Variants in ITGBL1 observed in about 807,000 individuals in gnomAD.
ITGBL1 encodes the protein integrin beta-like protein 1.
Under a neutral mutation model 68.5 loss-of-function variants are expected in ITGBL1, and 51 were observed. The observed-to-expected ratio is 0.74, with a 90% CI of 0.59 to 0.94. The LOEUF is 0.94. Among genes scored for constraint, ITGBL1 ranks in the 40% least tolerant of loss-of-function variants. ITGBL1 has a pLI of 0.00. For synonymous variants in ITGBL1, 209 were observed against 227.3 expected (o/e 0.92, Z 0.72); for missense variants, 649 against 647.4 (o/e 1.00, Z -0.03).
At chr13:101,699,643 C>A (rs1387252650) in intron 8 of ITGBL1, among the ~76,000 whole-genome samples, 2 of 152,284 alleles carry the variant, frequency 1.3e-5, no homozygotes, top group African/African-American at 4.8e-5. Flanking sequence ...GAGGCCTCCC[C>A]AGTCATGCAG....
chr13:101,503,695 G>A (rs998988491), intron 2 of ITGBL1, among the ~76,000 whole-genome samples: 3 of 152,202 alleles, frequency 2.0e-5, no homozygotes, highest in African/African-American at 7.2e-5. Flanking sequence ...TTGTGTGGAG[G>A]GGTTAGTCCC....
At chr13:101,548,663 T>C (rs1218645336) in intron 2 of ITGBL1, among the ~76,000 whole-genome samples, 2 of 151,800 alleles carry the variant, frequency 1.3e-5, no homozygotes, top group Non-Finnish European at 3.0e-5. Flanking sequence ...AAAATTGTCT[T>C]CACTATTTAA....
At chr13:101,649,433 CA>C (rs1208560574) in intron 7 of ITGBL1, among the ~76,000 whole-genome samples, 4 of 151,992 alleles carry the variant, frequency 2.6e-5, no homozygotes, top group Admixed American at 2.0e-4. Context: ...ACTATAAGGT[CA>C]ATGTAAGAAG....
At chr13:101,598,001 G>T in intron 6 of ITGBL1, 152 bp from the exon 7 acceptor site, 1 of 616,710 alleles carries the variant, frequency 1.6e-6, no homozygotes, top group Non-Finnish European at 2.6e-6. Context: ...AGTTATTTAA[G>T]AATTTGAGAA....
At chr13:101,554,042 G>C (rs975607361) in intron 2 of ITGBL1, among the ~76,000 whole-genome samples, 6 of 152,036 alleles carry the variant, frequency 3.9e-5, no homozygotes, top group Admixed American at 2.6e-4. Context: ...CCAAAGTTCT[G>C]GGATTACAGG....
At chr13:101,627,168 C>T (rs1458937098) in intron 7 of ITGBL1, among the ~76,000 whole-genome samples, 1 of 152,104 alleles carries the variant, frequency 6.6e-6, no homozygotes, top group African/African-American at 2.4e-5. Context: ...AAAGTGTAGT[C>T]TGAGTTATAA....
chr13:101,719,514 A>T (rs2034847847), downstream of ITGBL1: 1 of 152,126 alleles, frequency 6.6e-6, no homozygotes, highest in Non-Finnish European at 1.5e-5. Flanking sequence ...GAGAATTGTC[A>T]TGTCTTCTCT....
chr13:101,671,437 G>GTTTGTTT (rs2033363884), intron 7 of ITGBL1, among the ~76,000 whole-genome samples: 1 of 102,800 alleles, frequency 9.7e-6, no homozygotes. Flanking sequence ...TTTTTTTTTT[G>GTTTGTTT]TTTTTTTTTG....
chr13:101,524,450 G>A (rs7320478), intron 2 of ITGBL1, among the ~76,000 whole-genome samples: 111,831 of 151,002 alleles, frequency 0.74, 41,299 homozygotes, highest in South Asian at 0.79. Context: ...AGGGCTTTAT[G>A]TCTAGAGTAG....
intron 2 of ITGBL1, among the ~76,000 whole-genome samples, chr13:101,553,120 C>A (rs2049947793): frequency 6.6e-6 from 1 of 152,130 alleles, no homozygotes; most frequent in Non-Finnish European, 1.5e-5. Context: ...AAAGAGAAGT[C>A]ATGGAGAGAC....
chr13:101,591,852 G>A (rs2050661024), intron 6 of ITGBL1, among the ~76,000 whole-genome samples: 1 of 152,202 alleles, frequency 6.6e-6, no homozygotes, highest in South Asian at 2.1e-4. Flanking sequence ...GTGATGAGTA[G>A]CTTCATGTTT....
intron 2 of ITGBL1, among the ~76,000 whole-genome samples, chr13:101,475,564 G>A (rs7998526): frequency 0.89 from 135,017 of 152,116 alleles, 60,166 homozygotes; most frequent in East Asian, 1. Context: ...TCAATACTCA[G>A]GTACAAGAAG....
intron 8 of ITGBL1, among the ~76,000 whole-genome samples, chr13:101,695,183 T>C (rs1401998192): frequency 1.3e-5 from 2 of 152,222 alleles, no homozygotes; most frequent in Non-Finnish European, 2.9e-5. Flanking sequence ...ATAACAACTA[T>C]GTAATGCAGA....
rs548630921 is a variant in ITGBL1 at position 101,525,603 on chromosome 13, T to G, written c.317-42096T>G. 2.0e-5 allele frequency among the ~76,000 whole-genome samples: 3 copies of G among 152,156 alleles called. No individual in the cohort carries two copies. In the South Asian group the frequency reaches 6.2e-4, roughly 32 times the overall value. On this transcript the variant is annotated intron_variant, in intron 2 of 10. Coordinates refer to ENST00000376180, the MANE Select transcript of ITGBL1 (RefSeq NM_004791.3). ...ATTCCAGATGAATTCCGTGTCTATT[T>G]TCTAATAAATGCTAACTATTTTGAA... is the stretch of plus-strand genomic sequence containing the variant.
At chr13:101,610,630 T>C (rs2031082023) in intron 7 of ITGBL1, among the ~76,000 whole-genome samples, 1 of 152,330 alleles carries the variant, frequency 6.6e-6, no homozygotes, top group Non-Finnish European at 1.5e-5. Flanking sequence ...TATTAGATCA[T>C]TGCCATGCTC....
chr13:101,683,668 C>T (rs924716536), intron 7 of ITGBL1, among the ~76,000 whole-genome samples: 1 of 151,936 alleles, frequency 6.6e-6, no homozygotes, highest in Non-Finnish European at 1.5e-5. Context: ...GAATATTCTA[C>T]CAATTTATAT....
chr13:101,602,112 A>T (rs183569048), intron 7 of ITGBL1, among the ~76,000 whole-genome samples: 42 of 152,160 alleles, frequency 2.8e-4, no homozygotes, highest in African/African-American at 9.4e-4. Context: ...GTTCAGTTCA[A>T]TGTTACATTA....
At chr13:101,695,325 G>T (rs1045770627) in intron 8 of ITGBL1, among the ~76,000 whole-genome samples, 5 of 152,168 alleles carry the variant, frequency 3.3e-5, no homozygotes, top group Non-Finnish European at 7.3e-5. Flanking sequence ...TGGGAGAAAA[G>T]AGAGTGTGTG....
At chr13:101,590,375 C>T (rs1388343778) in intron 6 of ITGBL1, among the ~76,000 whole-genome samples, 2 of 152,092 alleles carry the variant, frequency 1.3e-5, no homozygotes, top group African/African-American at 4.8e-5. Flanking sequence ...CTGCCTTTAT[C>T]CCCAAGGTTT....
Sources: gnomAD v4.1 joint callset for allele counts (sites outside exome capture counted in the v4.1 genomes callset) on GRCh38, gnomAD v4.1.1 for gene constraint, MANE v1.5 for transcripts, NCBI Gene and HGNC (gene_info 2026-07-23, HGNC 2026-07-21) for gene names.